HS3ST2: variants seen among roughly 807,000 people sequenced by gnomAD.
HS3ST2 encodes heparan sulfate glucosamine 3-O-sulfotransferase 2.
Under a neutral mutation model 26.3 loss-of-function variants are expected in HS3ST2, and 17 were observed. The ratio of observed to expected loss-of-function variants is 0.65; its 90% CI spans 0.44 to 0.97. The LOEUF (loss-of-function observed/expected upper bound fraction) is 0.97. HS3ST2 is among the 50% of genes least tolerant of loss of function. The pLI is 0.00. For missense variants in HS3ST2, 402 were observed against 501.2 expected (o/e 0.80, Z 1.89); for synonymous variants, 237 against 219.2 (o/e 1.08, Z -0.72).
chr16:22,832,093 C>A (rs1901178016), intron 1 of HS3ST2, among the ~76,000 whole-genome samples: 1 of 151,700 alleles, frequency 6.6e-6, no homozygotes, highest in Non-Finnish European at 1.5e-5. Context: ...AGTGATCCTC[C>A]CACTTCAGCT....
At chr16:22,872,380 T>A (rs2141193606) in intron 1 of HS3ST2, among the ~76,000 whole-genome samples, 1 of 152,366 alleles carries the variant, frequency 6.6e-6, no homozygotes. Context: ...AATGCTGCTC[T>A]TGGATAATAT....
chr16:22,896,003 G>T (rs1902204755), intron 1 of HS3ST2, among the ~76,000 whole-genome samples: 1 of 151,434 alleles, frequency 6.6e-6, no homozygotes, highest in Non-Finnish European at 1.5e-5. Flanking sequence ...AGAGAGAAAG[G>T]GTCTTACTAT....
chr16:22,913,185 C>A (rs2519968), intron 1 of HS3ST2, among the ~76,000 whole-genome samples: 38,032 of 85,902 alleles, frequency 0.44, 7,998 homozygotes, highest in East Asian at 0.69. Context: ...GGAGGGAGGG[C>A]GGAAGGAAGG....
At chr16:22,833,174 C>A in intron 1 of HS3ST2, 2 of 454,834 alleles carry the variant, frequency 4.4e-6, no homozygotes, top group Non-Finnish European at 8.8e-6. Flanking sequence ...GCCATTAAAA[C>A]CTGGCTGTAT....
At chr16:22,849,867 C>G (rs1317850373) in intron 1 of HS3ST2, among the ~76,000 whole-genome samples, 1 of 152,152 alleles carries the variant, frequency 6.6e-6, no homozygotes, top group African/African-American at 2.4e-5. Context: ...AGTTCTCACA[C>G]CAGTCCTGGG....
intron 1 of HS3ST2, among the ~76,000 whole-genome samples, chr16:22,864,790 A>T (rs909669285): frequency 6.6e-6 from 1 of 151,362 alleles, no homozygotes; most frequent in Non-Finnish European, 1.5e-5. Context: ...TCATGCCTGT[A>T]ATCTCAGCAC....
intron 1 of HS3ST2, among the ~76,000 whole-genome samples, chr16:22,823,470 T>C (rs1036662124): frequency 2.0e-5 from 3 of 152,160 alleles, no homozygotes; most frequent in Non-Finnish European, 2.9e-5. Context: ...GGAAATATTG[T>C]TGGAGTTTGC....
chr16:22,897,041 T>C (rs993359178), intron 1 of HS3ST2, among the ~76,000 whole-genome samples: 1 of 152,196 alleles, frequency 6.6e-6, no homozygotes, highest in Admixed American at 6.5e-5. Context: ...ACTCCTGAGC[T>C]CAAGCAATCC....
At position 22,915,813 on chromosome 16, in the gene HS3ST2, C is replaced by A. The variant is rs1331911215; in HGVS notation, c.*251C>A. 1.6e-5 allele frequency: 8 copies of A among 515,182 alleles called. No individual in the cohort carries two copies. The highest frequency in any genetic ancestry group is 1.3e-4 in the African/African-American group (7 of 52,270). 31.9% of individuals were successfully genotyped at this position (515,182 alleles called of 1,614,324 possible). A position where few individuals can be genotyped will look rare whatever the true frequency, so the allele number is the denominator to read the frequency against. On this transcript the variant is annotated 3_prime_UTR_variant, in exon 2 of 2. Coordinates refer to ENST00000261374, the MANE Select transcript of HS3ST2 (RefSeq NM_006043.2). Reference sequence around the variant, plus strand: ...ACGTCCAGTAAATTCCAGAATCATTCTCCTTTCTGCCCATAAAGGGCCTTG... The same window carrying A: ...ACGTCCAGTAAATTCCAGAATCATTATCCTTTCTGCCCATAAAGGGCCTTG...
rs1046657781 is a variant in HS3ST2 at position 22,844,033 on chromosome 16, A to G, written c.485+28938A>G. On this transcript the variant is annotated intron_variant, in intron 1 of 1. Transcript: ENST00000261374. ...TACACACACACACACACACACACAC[A>G]CACGCACACACACACATATCATAAC... is the stretch of plus-strand genomic sequence containing the variant. Among the ~76,000 whole-genome samples, 24 of 148,706 alleles carry G rather than the reference A, an allele frequency of 1.6e-4. No individual in the cohort carries two copies. The East Asian group carries it at 3.9e-3, about 24-fold the overall frequency.
chr16:22,828,955 G>A (rs1434046312), intron 1 of HS3ST2, among the ~76,000 whole-genome samples: 6 of 152,192 alleles, frequency 3.9e-5, no homozygotes, highest in Non-Finnish European at 7.3e-5. Context: ...TTCCTGCCTA[G>A]GATGAAGAAG....
chr16:22,886,179 T>C (rs907131512), intron 1 of HS3ST2, among the ~76,000 whole-genome samples: 4 of 152,218 alleles, frequency 2.6e-5, no homozygotes, highest in African/African-American at 9.6e-5. Context: ...CCAAAGCAGC[T>C]CATTTATGAA....
chr16:22,814,983 G>T lies in HS3ST2; in HGVS notation c.373G>T (p.Gly125Trp). Residue 125 changes from glycine to tryptophan, a missense_variant, in exon 1 of 2, where the codon GGG becomes TGG. Physicochemically the swap from Gly to Trp is radical, Grantham distance 184. Coordinates refer to ENST00000261374, the MANE Select transcript of HS3ST2 (RefSeq NM_006043.2). ...PQALIVGVKKGGTRAVLEFIR... is the reference protein window; with the variant it reads ...PQALIVGVKKWGTRAVLEFIR... Reference sequence around the variant, plus strand: ...AGCCCTCATTGTGGGCGTGAAGAAGGGGGGCACCCGGGCCGTGCTGGAGTT... The same window carrying T: ...AGCCCTCATTGTGGGCGTGAAGAAGTGGGGCACCCGGGCCGTGCTGGAGTT... 1 of 1,612,996 alleles carries T rather than the reference G, an allele frequency of 6.2e-7. No homozygotes were observed.
rs768441349 is a variant in HS3ST2 at position 22,860,818 on chromosome 16, AAT to A, written c.485+45728_485+45729del. ...CCTTAATGTATATTTAACATCTTAC[AAT>A]ATATGGTAGAATATATAGTATATTT... is the stretch of plus-strand genomic sequence containing the variant. On this transcript the variant is annotated intron_variant, in intron 1 of 1. Transcript: ENST00000261374. Among the ~76,000 whole-genome samples the A allele has an allele frequency of 8.0e-5, 12 of 150,820 alleles. No individual in the cohort carries two copies. The East Asian group carries it at 1.4e-3, about 17-fold the overall frequency.
chr16:22,877,854 A>G (rs1457318042), intron 1 of HS3ST2, among the ~76,000 whole-genome samples: 1 of 152,208 alleles, frequency 6.6e-6, no homozygotes, highest in Non-Finnish European at 1.5e-5. Flanking sequence ...CGGGTATTAC[A>G]AGGTATTCAG....
chr16:22,838,901 C>T (rs1031755909), intron 1 of HS3ST2, among the ~76,000 whole-genome samples: 1 of 152,114 alleles, frequency 6.6e-6, no homozygotes, highest in Non-Finnish European at 1.5e-5. Flanking sequence ...TTTCACCAGT[C>T]CAGGCCATTG....
At chr16:22,858,304 C>T (rs1245922716) in intron 1 of HS3ST2, among the ~76,000 whole-genome samples, 1 of 149,282 alleles carries the variant, frequency 6.7e-6, no homozygotes, top group South Asian at 2.2e-4. Flanking sequence ...CTCATATAAC[C>T]CATAAATATA....
At chr16:22,875,928 T>C (rs1901908960) in intron 1 of HS3ST2, among the ~76,000 whole-genome samples, 1 of 152,208 alleles carries the variant, frequency 6.6e-6, no homozygotes, top group Non-Finnish European at 1.5e-5. Context: ...GACAGCAACA[T>C]GCTGTCTAGG....
At chr16:22,829,351 C>A (rs189180007) in intron 1 of HS3ST2, among the ~76,000 whole-genome samples, 49 of 152,224 alleles carry the variant, frequency 3.2e-4, no homozygotes, top group African/African-American at 1.1e-3. Flanking sequence ...TTATACAAGT[C>A]TTATTTAAAT....
Sources: gnomAD v4.1 joint callset for allele counts (sites outside exome capture counted in the v4.1 genomes callset) on GRCh38, gnomAD v4.1.1 for gene constraint, MANE v1.5 for transcripts, NCBI Gene and HGNC (gene_info 2026-07-23, HGNC 2026-07-21) for gene names.